CSMD1: variants seen among roughly 807,000 people sequenced by gnomAD.
CSMD1 encodes the protein CUB and sushi domain-containing protein 1.
A neutral mutation model predicts 417.5 loss-of-function variants in CSMD1; 213 were observed. The observed-to-expected ratio is 0.51, with a 90% CI of 0.46 to 0.57. The LOEUF is 0.57. Among genes scored for constraint, CSMD1 ranks in the 20% least tolerant of loss-of-function variants. The pLI is 0.00. For synonymous variants in CSMD1, 2,862 were observed against 1,736.8 expected (o/e 1.65, Z -16.11); for missense variants, 6,923 against 4,529.7 (o/e 1.53, Z -15.17).
intron 3 of CSMD1, among the ~76,000 whole-genome samples, chr8:4,133,331 G>C (rs978629966): frequency 6.6e-6 from 1 of 152,204 alleles, no homozygotes; most frequent in African/African-American, 2.4e-5. Flanking sequence ...AATAATGATA[G>C]ACTTCTCAGC....
At chr8:4,052,781 A>G (rs533723825) in intron 3 of CSMD1, among the ~76,000 whole-genome samples, 2 of 152,310 alleles carry the variant, frequency 1.3e-5, no homozygotes, top group Admixed American at 6.5e-5. Context: ...CTGAGGACAC[A>G]TCCTGGAACC....
At chr8:3,710,768 G>A (rs951674950) in intron 6 of CSMD1, among the ~76,000 whole-genome samples, 19 of 152,160 alleles carry the variant, frequency 1.2e-4, no homozygotes, top group Admixed American at 9.8e-4. Context: ...TAGGAATTAT[G>A]ACACCGCCAG....
intron 3 of CSMD1, among the ~76,000 whole-genome samples, chr8:4,230,903 T>G (rs1801684193): frequency 1.3e-5 from 2 of 152,180 alleles, no homozygotes; most frequent in African/African-American, 4.8e-5. Context: ...AAATTCAATA[T>G]TATATGCTGT....
intron 47 of CSMD1, among the ~76,000 whole-genome samples, chr8:3,095,721 C>A (rs917158100): frequency 6.6e-6 from 1 of 152,174 alleles, no homozygotes; most frequent in East Asian, 1.9e-4. Context: ...TATGTGAAAA[C>A]CCTGTTATTA....
intron 1 of CSMD1, among the ~76,000 whole-genome samples, chr8:4,915,140 A>G (rs1805964685): frequency 6.6e-6 from 1 of 152,168 alleles, no homozygotes; most frequent in South Asian, 2.1e-4. Flanking sequence ...AACGAAGAAA[A>G]TGGAATACGC....
At chr8:3,937,843 A>T (rs1349043542) in intron 5 of CSMD1, among the ~76,000 whole-genome samples, 2 of 152,168 alleles carry the variant, frequency 1.3e-5, no homozygotes, top group African/African-American at 2.4e-5. Flanking sequence ...TTTAAAGTTT[A>T]TAATTAAATT....
chr8:4,975,737 A>T (rs9657406), intron 1 of CSMD1, among the ~76,000 whole-genome samples: 24,045 of 152,170 alleles, frequency 0.16, 2,093 homozygotes, highest in East Asian at 0.31. Flanking sequence ...TGCTGAGACA[A>T]TGAAGACACG....
At chr8:4,941,539 T>G (rs538452349) in intron 1 of CSMD1, among the ~76,000 whole-genome samples, 1 of 152,186 alleles carries the variant, frequency 6.6e-6, no homozygotes, top group African/African-American at 2.4e-5. Flanking sequence ...TCTTCTGCAG[T>G]CTTTGTCAAT....
At chr8:3,687,462 G>C (rs1340824418) in intron 7 of CSMD1, among the ~76,000 whole-genome samples, 2 of 152,158 alleles carry the variant, frequency 1.3e-5, no homozygotes, top group African/African-American at 2.4e-5. Flanking sequence ...CCTTTATTGA[G>C]AAAGCAATAA....
At chr8:4,869,263 T>G (rs1802593452) in intron 1 of CSMD1, among the ~76,000 whole-genome samples, 1 of 152,016 alleles carries the variant, frequency 6.6e-6, no homozygotes, top group Admixed American at 6.6e-5. Flanking sequence ...TATATTATCA[T>G]TTAACATAGT....
intron 49 of CSMD1, among the ~76,000 whole-genome samples, chr8:3,071,578 G>T (rs903504166): frequency 6.6e-6 from 1 of 152,032 alleles, no homozygotes; most frequent in Non-Finnish European, 1.5e-5. Flanking sequence ...CAAGCCATAT[G>T]CCCCAAAGTA....
intron 20 of CSMD1, among the ~76,000 whole-genome samples, chr8:3,365,473 C>G (rs918533351): frequency 6.6e-6 from 1 of 152,174 alleles, no homozygotes; most frequent in African/African-American, 2.4e-5. Flanking sequence ...ACAGTTGACT[C>G]TTGAAAAATG....
chr8:3,147,922 C>A (rs1818938324), intron 40 of CSMD1, among the ~76,000 whole-genome samples: 1 of 152,202 alleles, frequency 6.6e-6, no homozygotes, highest in Non-Finnish European at 1.5e-5. Flanking sequence ...TGCCTTTTCT[C>A]AGCATTAAGG....
chr8:4,082,646 G>T (rs974595341), intron 3 of CSMD1, among the ~76,000 whole-genome samples: 3 of 151,506 alleles, frequency 2.0e-5, no homozygotes, highest in Non-Finnish European at 2.9e-5. Flanking sequence ...TAACTTTTAG[G>T]GTACATGTGC....
chr8:4,790,071 A>T (rs189756268), intron 1 of CSMD1, among the ~76,000 whole-genome samples: 3 of 152,344 alleles, frequency 2.0e-5, no homozygotes, highest in African/African-American at 2.4e-5. Flanking sequence ...GGAGGAAAAC[A>T]TTCGATGAGT....
At chr8:3,674,004 G>C (rs1309089546) in intron 7 of CSMD1, among the ~76,000 whole-genome samples, 1 of 152,186 alleles carries the variant, frequency 6.6e-6, no homozygotes, top group Non-Finnish European at 1.5e-5. Context: ...TGTGGTCCCA[G>C]CCACTGTGGG....
In CSMD1 at chr8:3,950,333, C is replaced by A. The variant is rs149796341; in HGVS notation, c.818+47570G>T. On this transcript the variant is annotated intron_variant, in intron 5 of 69. Transcript: ENST00000635120. ...GATAGTTTCCAAGTAGAAAAGCCAT[C>A]TGACTCTAGCTGGTCTGCATAAAGT... 1.7e-3 allele frequency among the ~76,000 whole-genome samples: 263 copies of A among 152,310 alleles called. 1 individual carries two copies. Among genetic ancestry groups the A allele is most frequent in the African/African-American group, 5.8e-3 (239 of 41,564 alleles).
rs572936204 is a variant in CSMD1 at position 3,759,352 on chromosome 8, C to T, written c.819-5310G>A. 6.6e-5 allele frequency among the ~76,000 whole-genome samples: 10 copies of T among 152,170 alleles called. No individual in the cohort carries two copies. In the East Asian group the frequency reaches 1.9e-3, roughly 29 times the overall value. The stretch of plus-strand genomic sequence containing the variant: ...AAATATGGTACAATGTGACACAATT[C>T]TTATCTATTCATAACCTTACTGAAT... On this transcript the variant is annotated intron_variant, in intron 5 of 69. Transcript: ENST00000635120.
intron 3 of CSMD1, among the ~76,000 whole-genome samples, chr8:4,069,434 C>T (rs753689613): frequency 6.6e-6 from 1 of 152,148 alleles, no homozygotes; most frequent in African/African-American, 2.4e-5. Context: ...ATGATATTCA[C>T]CGTAAAGGAA....
Sources: allele counts gnomAD v4.1 joint callset (sites outside exome capture counted in the v4.1 genomes callset), GRCh38; gene constraint gnomAD v4.1.1; transcripts MANE v1.5; gene names NCBI Gene and HGNC (gene_info 2026-07-23, HGNC 2026-07-21).